The following VOPP1 variants were observed in gnomAD, a reference collection of about 807,000 sequenced individuals.
VOPP1 encodes the protein VOPP1 WW domain binding protein.
A neutral mutation model predicts 23.5 loss-of-function variants in VOPP1; 8 were observed. That is an observed-to-expected ratio of 0.34 (90% CI 0.20 to 0.61). VOPP1 has a LOEUF of 0.61. Among genes scored for constraint, VOPP1 ranks in the 20% least tolerant of loss-of-function variants. The pLI is 0.78. For synonymous variants in VOPP1, 83 were observed against 97.3 expected, an observed-to-expected ratio of 0.85 and a Z score of 0.86; for missense variants, 174 against 238.1, an observed-to-expected ratio of 0.73 and a Z score of 1.77.
chr7:55,572,470 C>G lies in VOPP1; in HGVS notation c.-146G>C, dbSNP rs1316793981. On this transcript the variant is annotated 5_prime_UTR_variant, in exon 1 of 5. Transcript: ENST00000285279. ...GGGCCCGGCTGGGAGCGGGCGGGAGCCGGGGCGCGCCGCGCAGCCCTGGCT... is the reference window on the plus strand; with the variant it reads ...GGGCCCGGCTGGGAGCGGGCGGGAGGCGGGGCGCGCCGCGCAGCCCTGGCT... 2.6e-6 allele frequency: 1 copy of G among 378,162 alleles called. No homozygotes were observed. The highest frequency in any genetic ancestry group is 3.6e-6 in the Non-Finnish European group (1 of 277,482). 23.4% of individuals were successfully genotyped at this position (378,162 alleles called of 1,614,324 possible).
chr7:55,479,303 C>T lies in VOPP1; in HGVS notation c.329-6258G>A, dbSNP rs1792524180. 2.0e-5 allele frequency among the ~76,000 whole-genome samples: 3 copies of T among 151,820 alleles called. No homozygotes were observed. The South Asian group carries it at 6.3e-4, about 32-fold the overall frequency. Reference sequence around the variant, plus strand: ...TATATCTCCTAACGCTATCCCTCCCCCATCCCCCCACCCCACAACAGTCCC... The same window carrying T: ...TATATCTCCTAACGCTATCCCTCCCTCATCCCCCCACCCCACAACAGTCCC... On this transcript the variant is annotated intron_variant, in intron 4 of 4. Coordinates refer to ENST00000285279, the MANE Select transcript of VOPP1 (RefSeq NM_030796.5).
intron 2 of VOPP1, among the ~76,000 whole-genome samples, chr7:55,518,806 A>AG (rs11443615): frequency 0.35 from 52,549 of 152,064 alleles, 9,565 homozygotes; most frequent in African/African-American, 0.46. Flanking sequence ...TACTGTTAAA[A>AG]GGCATTGTTC....
intron 2 of VOPP1, among the ~76,000 whole-genome samples, chr7:55,511,211 T>C (rs999120980): frequency 6.6e-6 from 1 of 152,202 alleles, no homozygotes; most frequent in Non-Finnish European, 1.5e-5. Flanking sequence ...GTTAACACAG[T>C]GCTGGCGGGG....
chr7:55,556,069 G>GC (rs1385076081), intron 1 of VOPP1, among the ~76,000 whole-genome samples: 5 of 152,186 alleles, frequency 3.3e-5, no homozygotes, highest in African/African-American at 1.2e-4. Flanking sequence ...CCTATGAGGG[G>GC]CCCCAAGCAC....
intron 2 of VOPP1, among the ~76,000 whole-genome samples, chr7:55,519,315 A>T (rs1411660687): frequency 6.6e-6 from 1 of 152,184 alleles, no homozygotes; most frequent in Non-Finnish European, 1.5e-5. Context: ...GTTCAATGCA[A>T]TGCAAAACAC....
chr7:55,569,501 G>T (rs1364747082), intron 1 of VOPP1, among the ~76,000 whole-genome samples: 1 of 152,114 alleles, frequency 6.6e-6, no homozygotes, highest in African/African-American at 2.4e-5. Flanking sequence ...GCATCGAGGT[G>T]GGGTACACAC....
chr7:55,444,694 C>G (rs932158642), intron 4 of VOPP1, among the ~76,000 whole-genome samples: 1 of 149,520 alleles, frequency 6.7e-6, no homozygotes, highest in Non-Finnish European at 1.5e-5. Flanking sequence ...GGGCACAATG[C>G]CTGCCAGCTT....
intron 1 of VOPP1, among the ~76,000 whole-genome samples, chr7:55,569,977 C>G (rs1798293611): frequency 6.6e-6 from 1 of 152,136 alleles, no homozygotes; most frequent in Non-Finnish European, 1.5e-5. Context: ...TACACTGAAA[C>G]CAGCTCAGGC....
intron 1 of VOPP1, chr7:55,562,094 TG>T: frequency 2.8e-6 from 2 of 702,682 alleles, no homozygotes; most frequent in Non-Finnish European, 5.2e-6. Flanking sequence ...TGCAGGTAAT[TG>T]TTCGAAACTC....
intron 1 of VOPP1, among the ~76,000 whole-genome samples, chr7:55,549,707 C>T (rs1178710044): frequency 6.6e-6 from 1 of 152,194 alleles, no homozygotes; most frequent in Non-Finnish European, 1.5e-5. Flanking sequence ...AGAAGCTCAT[C>T]TAAGCTCATC....
chr7:55,499,815 T>A (rs531643104), intron 2 of VOPP1, among the ~76,000 whole-genome samples: 5 of 151,934 alleles, frequency 3.3e-5, no homozygotes, highest in Admixed American at 2.6e-4. Flanking sequence ...GAGCACAGGG[T>A]GTGAGGGGGA....
At chr7:55,524,769 G>A (rs529658302) in intron 1 of VOPP1, among the ~76,000 whole-genome samples, 1 of 152,244 alleles carries the variant, frequency 6.6e-6, no homozygotes, top group African/African-American at 2.4e-5. Context: ...ACCAGGAGGT[G>A]GAGAGGCACA....
At chr7:55,498,859 C>T (rs1794166744) in intron 2 of VOPP1, among the ~76,000 whole-genome samples, 1 of 152,146 alleles carries the variant, frequency 6.6e-6, no homozygotes, top group African/African-American at 2.4e-5. Context: ...TCCAAAGCTG[C>T]TCTTCCCTGG....
chr7:55,540,676 G>C (rs934384572), intron 1 of VOPP1, among the ~76,000 whole-genome samples: 3 of 152,088 alleles, frequency 2.0e-5, no homozygotes, highest in Non-Finnish European at 1.5e-5. Context: ...CAGACACCAC[G>C]GGCGCTGCCC....
At chr7:55,531,840 A>G (rs1267527439) in intron 1 of VOPP1, among the ~76,000 whole-genome samples, 1 of 152,154 alleles carries the variant, frequency 6.6e-6, no homozygotes, top group Non-Finnish European at 1.5e-5. Context: ...AATAACTGAG[A>G]TATGTACCAA....
intron 1 of VOPP1, among the ~76,000 whole-genome samples, chr7:55,540,232 C>G (rs1013559710): frequency 1.1e-4 from 16 of 151,576 alleles, no homozygotes; most frequent in Non-Finnish European, 1.8e-4. Flanking sequence ...ACCCTGTCTC[C>G]GCTAAAAATA....
At chr7:55,448,009 T>C (rs60816502) in intron 4 of VOPP1, among the ~76,000 whole-genome samples, 3,786 of 152,304 alleles carry the variant, frequency 0.025, 177 homozygotes, top group African/African-American at 0.086. Flanking sequence ...TCACTCAAAA[T>C]CATTATAATC....
chr7:55,503,092 A>G (rs2129029284), intron 2 of VOPP1, among the ~76,000 whole-genome samples: 1 of 152,336 alleles, frequency 6.6e-6, no homozygotes, highest in African/African-American at 2.4e-5. Context: ...CCCTGGATAC[A>G]AATGTAGATT....
intron 4 of VOPP1, among the ~76,000 whole-genome samples, chr7:55,482,055 C>G (rs1792753282): frequency 6.6e-6 from 1 of 152,118 alleles, no homozygotes; most frequent in South Asian, 2.1e-4. Context: ...GTTTTACATA[C>G]TTTGAAAATT....
Sources: allele counts gnomAD v4.1 joint callset (sites outside exome capture counted in the v4.1 genomes callset), GRCh38; gene constraint gnomAD v4.1.1; transcripts MANE v1.5; gene names NCBI Gene and HGNC (gene_info 2026-07-23, HGNC 2026-07-21).